The following OR2L2 variants were observed in gnomAD, a reference collection of about 807,000 sequenced individuals.
The protein encoded by OR2L2 is olfactory receptor family 2 subfamily L member 2, also known as olfactory receptor 2L2.
For synonymous variants in OR2L2, 156 were observed against 135.4 expected, an observed-to-expected ratio of 1.15 and a Z score of -1.06; for missense variants, 378 against 375.2, an observed-to-expected ratio of 1.01 and a Z score of -0.06.
chr1:248,031,739 T>C (rs1304802360), intron 1 of OR2L2, among the ~76,000 whole-genome samples: 1 of 152,146 alleles, frequency 6.6e-6, no homozygotes, highest in Non-Finnish European at 1.5e-5. Flanking sequence ...TTGTAGAATG[T>C]GTCTGGTGGA....
In OR2L2 at chr1:248,038,418, G is replaced by A; in HGVS notation, c.151G>A (p.Asp51Asn). Residue 51 changes from aspartate (D) to asparagine (N), a missense_variant, in exon 3 of 3, where the codon GAC becomes AAC. Coordinates refer to ENST00000641771, the MANE Select transcript of OR2L2 (RefSeq NM_001385855.1). Reference protein sequence around the residue: ...NLSMILLIFLDIHLHTPMYFL... With the variant: ...NLSMILLIFLNIHLHTPMYFL... Reference sequence around the variant, plus strand: ...ATCCATGATTCTTCTCATCTTTTTGGACATCCATCTCCACACACCTATGTA... The same window carrying A: ...ATCCATGATTCTTCTCATCTTTTTGAACATCCATCTCCACACACCTATGTA... 1 of 1,613,474 alleles carries A rather than the reference G, an allele frequency of 6.2e-7. No homozygotes were observed. Among genetic ancestry groups the A allele is most frequent in the Non-Finnish European group, 8.5e-7 (1 of 1,179,688 alleles).
intron 1 of OR2L2, among the ~76,000 whole-genome samples, 197 bp downstream of exon 1, chr1:248,030,432 T>C (rs147106817): frequency 1.3e-5 from 2 of 152,264 alleles, no homozygotes; most frequent in Admixed American, 1.3e-4. Context: ...TTGCAACTAA[T>C]TCATAAATGT....
chr1:248,035,396 C>A (rs991569020), intron 1 of OR2L2, among the ~76,000 whole-genome samples, 154 bp from the exon 2 acceptor site: 4 of 151,916 alleles, frequency 2.6e-5, no homozygotes, highest in African/African-American at 9.7e-5. Flanking sequence ...TTGCAGTGAG[C>A]CGAGATCGCG....
At chr1:248,033,772 G>A (rs921985976) in intron 1 of OR2L2, among the ~76,000 whole-genome samples, 1 of 151,884 alleles carries the variant, frequency 6.6e-6, no homozygotes, top group African/African-American at 2.4e-5. Context: ...ATACATGTCT[G>A]GCTTTATACC....
At position 248,038,719 on chromosome 1, in the gene OR2L2, G is replaced by T. The variant is rs1484115165; in HGVS notation, c.452G>T (p.Ser151Ile). 8.7e-6 allele frequency: 14 copies of T among 1,613,946 alleles called. No individual in the cohort carries two copies. The highest frequency in any genetic ancestry group is 3.3e-5 in the Admixed American group (2 of 59,984). Residue 151 changes from serine to isoleucine, a missense_variant, in exon 3 of 3, where the codon AGC becomes ATC. By Grantham distance (142) the Ser-to-Ile change is moderately radical. Transcript: ENST00000641771. Reference protein sequence around the residue: ...VMMITGSWMISSINSCAHTVY... With the variant: ...VMMITGSWMIISINSCAHTVY... ...ATGATAACAGGATCTTGGATGATAA[G>T]CTCTATCAACTCTTGTGCTCACACA...
Position 248,038,237 on chromosome 1 carries a change from C to A in OR2L2, c.-21-10C>A. 1 of 1,444,426 alleles carries A rather than the reference C, an allele frequency of 6.9e-7. No homozygotes were observed. Among genetic ancestry groups the A allele is most frequent in the Non-Finnish European group, 9.6e-7 (1 of 1,047,054 alleles). The allele number at this position is 1,444,426 out of a possible 1,614,324, so 89.5% of individuals were successfully genotyped here. ...TACTGTTCTTAATTTACCCTTTTGT[C>A]TCCCTTCAGGATGGATTGTAGGAAT... is the stretch of plus-strand genomic sequence containing the variant. On this transcript the variant is annotated splice_polypyrimidine_tract_variant and intron_variant, in intron 2 of 2. Coordinates refer to ENST00000641771, the MANE Select transcript of OR2L2 (RefSeq NM_001385855.1).
At chr1:248,032,756 T>G (rs74774591) in intron 1 of OR2L2, among the ~76,000 whole-genome samples, 4,788 of 152,296 alleles carry the variant, frequency 0.031, 228 homozygotes, top group African/African-American at 0.11. Flanking sequence ...TCTCTGTGGA[T>G]GGACACTTAA....
chr1:248,032,401 C>T (rs1662642897), intron 1 of OR2L2, among the ~76,000 whole-genome samples: 1 of 152,018 alleles, frequency 6.6e-6, no homozygotes, highest in African/African-American at 2.4e-5. Flanking sequence ...GTGTTCAGGT[C>T]TGTGGCACTA....
intron 1 of OR2L2, among the ~76,000 whole-genome samples, chr1:248,033,185 C>G (rs1194958288): frequency 6.6e-6 from 1 of 152,224 alleles, no homozygotes; most frequent in Non-Finnish European, 1.5e-5. Flanking sequence ...TTTCATTTTG[C>G]CACTGACTAT....
chr1:248,035,232 C>A (rs534093703), intron 1 of OR2L2, among the ~76,000 whole-genome samples: 4 of 151,896 alleles, frequency 2.6e-5, no homozygotes, highest in Non-Finnish European at 5.9e-5. Context: ...GGGCGGATCA[C>A]GAGGTCAGGA....
At chr1:248,033,792 C>G (rs1662684633) in intron 1 of OR2L2, among the ~76,000 whole-genome samples, 1 of 151,986 alleles carries the variant, frequency 6.6e-6, no homozygotes, top group Non-Finnish European at 1.5e-5. Context: ...CAATGTCATA[C>G]TGTTTTGATT....
chr1:248,036,093 A>G (rs1662752242), intron 2 of OR2L2, among the ~76,000 whole-genome samples: 1 of 152,172 alleles, frequency 6.6e-6, no homozygotes, highest in African/African-American at 2.4e-5. Flanking sequence ...ATGCCATCTG[A>G]ATATGGTGGC....
chr1:248,031,515 G>C (rs1205065961), intron 1 of OR2L2, among the ~76,000 whole-genome samples: 1 of 152,170 alleles, frequency 6.6e-6, no homozygotes, highest in Non-Finnish European at 1.5e-5. Flanking sequence ...ATGGGGTCTT[G>C]GTGTGAATGA....
intron 1 of OR2L2, among the ~76,000 whole-genome samples, chr1:248,031,503 T>C (rs1051567243): frequency 6.6e-6 from 1 of 152,176 alleles, no homozygotes; most frequent in Admixed American, 6.5e-5. Context: ...CAGGGTCTTT[T>C]AATGGGGTCT....
intron 1 of OR2L2, among the ~76,000 whole-genome samples, chr1:248,034,304 A>G (rs997721969): frequency 1.3e-5 from 2 of 152,188 alleles, no homozygotes; most frequent in South Asian, 2.1e-4. Flanking sequence ...CAATTCTCAA[A>G]TTCATATGGA....
At position 248,042,292 on chromosome 1, in the gene OR2L2, G is replaced by A. The variant is rs935034351; in HGVS notation, c.*3086G>A. On this transcript the variant is annotated 3_prime_UTR_variant, in exon 3 of 3. Coordinates refer to ENST00000641771, the MANE Select transcript of OR2L2 (RefSeq NM_001385855.1). ...ACACCGCATATTCTCACTCATAGGT[G>A]GGAATTGAACAATGAGAACACATGG... 6.8e-6 allele frequency: 1 copy of A among 147,542 alleles called. No homozygotes were observed. Among genetic ancestry groups the A allele is most frequent in the African/African-American group, 2.5e-5 (1 of 39,712 alleles). 9.1% of individuals were successfully genotyped at this position (147,542 alleles called of 1,614,324 possible).
At chr1:248,033,653 G>T (rs886473704) in intron 1 of OR2L2, among the ~76,000 whole-genome samples, 3 of 151,090 alleles carry the variant, frequency 2.0e-5, no homozygotes, top group African/African-American at 7.3e-5. Context: ...TGTTTTACTG[G>T]CTGGTCTCAA....
chr1:248,037,979 AG>A (rs1449547336), intron 2 of OR2L2, among the ~76,000 whole-genome samples: 1 of 152,240 alleles, frequency 6.6e-6, no homozygotes, highest in African/African-American at 2.4e-5. Flanking sequence ...ATGGTTTGAA[AG>A]AAAGAAAAAT....
intron 2 of OR2L2, among the ~76,000 whole-genome samples, chr1:248,036,604 A>G (rs969049246): frequency 3.3e-5 from 5 of 151,978 alleles, no homozygotes; most frequent in African/African-American, 1.2e-4. Context: ...ACACTTCCTC[A>G]AAGGTCGGCT....
Sources: allele counts gnomAD v4.1 joint callset (sites outside exome capture counted in the v4.1 genomes callset), GRCh38; gene constraint gnomAD v4.1.1; transcripts MANE v1.5; gene names NCBI Gene and HGNC (gene_info 2026-07-23, HGNC 2026-07-21).